Variants in TRAF3IP1 observed in about 807,000 individuals in gnomAD.
TRAF3IP1 encodes intraflagellar transport 54, also known as TRAF3-interacting protein 1.
Under a neutral mutation model 89.9 loss-of-function variants are expected in TRAF3IP1, and 53 were observed. The ratio of observed to expected loss-of-function variants is 0.59; its 90% CI spans 0.47 to 0.74. TRAF3IP1 has a LOEUF of 0.74. Ranked by LOEUF, TRAF3IP1 falls within the 30% of genes least tolerant of loss-of-function variation. The probability of loss-of-function intolerance (pLI) is 0.00; values close to 1 mark genes in which losing one functional copy is unlikely to be tolerated. For synonymous variants in TRAF3IP1, 311 were observed against 322.1 expected, an observed-to-expected ratio of 0.97 and a Z score of 0.37; for missense variants, 806 against 866.1, an observed-to-expected ratio of 0.93 and a Z score of 0.87.
chr2:238,322,326 G>A (rs1216831357), intron 1 of TRAF3IP1, among the ~76,000 whole-genome samples: 1 of 152,212 alleles, frequency 6.6e-6, no homozygotes, highest in Non-Finnish European at 1.5e-5. Context: ...GGGCAGTGAT[G>A]GCGCTCAGCT....
At chr2:238,389,073 G>T (rs1311929877) in intron 15 of TRAF3IP1, among the ~76,000 whole-genome samples, 2 of 152,074 alleles carry the variant, frequency 1.3e-5, no homozygotes, top group Non-Finnish European at 2.9e-5. Context: ...TGTTTATTGG[G>T]TTTGCTTAAT....
At chr2:238,389,043 C>T (rs1202845318) in intron 15 of TRAF3IP1, among the ~76,000 whole-genome samples, 1 of 152,090 alleles carries the variant, frequency 6.6e-6, no homozygotes, top group Non-Finnish European at 1.5e-5. Context: ...ACCTCCCCAC[C>T]CTACAATTAA....
intron 15 of TRAF3IP1, among the ~76,000 whole-genome samples, chr2:238,370,229 CTG>C (rs746719125): frequency 1.1e-4 from 16 of 150,082 alleles, no homozygotes; most frequent in Non-Finnish European, 2.1e-4. Flanking sequence ...GTATGTGTGT[CTG>C]TAAGTGTGCA....
intron 15 of TRAF3IP1, among the ~76,000 whole-genome samples, chr2:238,367,067 G>A (rs1699907762): frequency 6.9e-6 from 1 of 145,740 alleles, no homozygotes; most frequent in South Asian, 2.2e-4. Flanking sequence ...AGGAGGCTGA[G>A]GCAGGAGAAT....
rs1697467459 is a variant in TRAF3IP1 at position 238,320,574 on chromosome 2, G to A, written c.-89G>A. On this transcript the variant is annotated 5_prime_UTR_variant, in exon 1 of 17. Transcript: ENST00000373327. ...CCTGGCAGGACCGGGCGGCGGCGGCGGCGGGGCCGGCGGCGGCCAGGGACC... is the reference window on the plus strand; with the variant it reads ...CCTGGCAGGACCGGGCGGCGGCGGCAGCGGGGCCGGCGGCGGCCAGGGACC... 3 of 1,062,416 alleles carry A rather than the reference G, an allele frequency of 2.8e-6. No homozygotes were observed. Among genetic ancestry groups the A allele is most frequent in the African/African-American group, 1.7e-5 (1 of 58,614 alleles). The allele number at this position is 1,062,416 out of a possible 1,614,324, so 65.8% of individuals were successfully genotyped here. A position where few individuals can be genotyped will look rare whatever the true frequency, so the allele number is the denominator to read the frequency against.
chr2:238,347,102 A>T, intron 9 of TRAF3IP1: 1 of 238,920 alleles, frequency 4.2e-6, no homozygotes, highest in Non-Finnish European at 8.1e-6. Context: ...AGACTGTTGC[A>T]TCGTTCCCTC....
At position 238,345,187 on chromosome 2, in the gene TRAF3IP1, G is replaced by C. The variant is rs1477850556; in HGVS notation, c.1261+589G>C. 6.6e-6 allele frequency among the ~76,000 whole-genome samples: 1 copy of C among 152,194 alleles called. No homozygotes were observed. Among genetic ancestry groups the C allele is most frequent in the Non-Finnish European group, 1.5e-5 (1 of 68,032 alleles). On this transcript the variant is annotated intron_variant, in intron 9 of 16. Coordinates refer to ENST00000373327, the MANE Select transcript of TRAF3IP1 (RefSeq NM_015650.4). This position sits in a 1 kb window ranked among gnomAD's most constrained non-coding sequence, Gnocchi z 4.7. Reference sequence around the variant, plus strand: ...CAGGGTGGGGTGTGGCCAGGGGAGGGCTGATGTTTGTTGATTTGTTCAAAC... The same window carrying C: ...CAGGGTGGGGTGTGGCCAGGGGAGGCCTGATGTTTGTTGATTTGTTCAAAC...
chr2:238,388,107 C>T (rs1700847749), intron 15 of TRAF3IP1, among the ~76,000 whole-genome samples: 1 of 151,852 alleles, frequency 6.6e-6, no homozygotes, highest in Non-Finnish European at 1.5e-5. Flanking sequence ...GGTCCGGTGG[C>T]TTATGCCTGT....
At chr2:238,384,336 T>TGATGTATG (rs1553619318) in intron 15 of TRAF3IP1, among the ~76,000 whole-genome samples, 1 of 136,876 alleles carries the variant, frequency 7.3e-6, no homozygotes. Context: ...AGAATCAACC[T>TGATGTATG]GATGTATGTA....
intron 7 of TRAF3IP1, 27 bp downstream of exon 7, chr2:238,334,062 G>A: frequency 4.1e-6 from 6 of 1,458,604 alleles, no homozygotes; most frequent in South Asian, 3.8e-5. Context: ...ATATGTAGCT[G>A]AAAATATGGA....
At chr2:238,380,406 C>G (rs755757828) in intron 15 of TRAF3IP1, among the ~76,000 whole-genome samples, 7 of 152,186 alleles carry the variant, frequency 4.6e-5, no homozygotes, top group Non-Finnish European at 1.0e-4. Flanking sequence ...AAGGTCCTCT[C>G]CCCCGGGTCC....
rs759110906 is a variant in TRAF3IP1, at chr2:238,398,854, A to T, written c.2011A>T (p.Ile671Phe). Residue 671 changes from isoleucine (I) to phenylalanine (F), a missense_variant, in exon 17 of 17, where the codon ATC (isoleucine) becomes TTC (phenylalanine). This residue lies in a region of TRAF3IP1 where 70 missense variants were observed against 67.8 expected (regional missense o/e 1.03). Transcript: ENST00000373327. ...CAAGATCTGTGCTGTGAAGGCCAACATCCTCAAGAATGAAGAAAAAATCCA... is the reference window on the plus strand; with the variant it reads ...CAAGATCTGTGCTGTGAAGGCCAACTTCCTCAAGAATGAAGAAAAAATCCA... ...QDKICAVKAN[I>F]LKNEEKIQKM... The T allele has an allele frequency of 6.2e-7, 1 of 1,613,440 alleles. No homozygotes were observed. Among genetic ancestry groups the T allele is most frequent in the Admixed American group, 1.7e-5 (1 of 59,844 alleles).
intron 1 of TRAF3IP1, among the ~76,000 whole-genome samples, chr2:238,322,503 ACATGGT>A (rs1697601431): frequency 6.6e-6 from 1 of 152,162 alleles, no homozygotes; most frequent in African/African-American, 2.4e-5. Flanking sequence ...AGCCTGGCCA[ACATGGT>A]TAAAACTCCA....
At chr2:238,349,445 G>T in intron 12 of TRAF3IP1, 37 bp downstream of exon 12, 1 of 1,600,784 alleles carries the variant, frequency 6.2e-7, no homozygotes, top group Non-Finnish European at 8.5e-7. Context: ...CAGCCACACA[G>T]TGTGTTCTCC....
intron 15 of TRAF3IP1, among the ~76,000 whole-genome samples, chr2:238,385,833 G>A (rs1300405735): frequency 6.6e-6 from 1 of 152,044 alleles, no homozygotes; most frequent in East Asian, 1.9e-4. Flanking sequence ...TGGCCTTCTT[G>A]CACCGCTGTT....
In TRAF3IP1 at chr2:238,351,293, A is replaced by G. The variant is rs1319184646; in HGVS notation, c.1452-1534A>G. The stretch of plus-strand genomic sequence containing the variant: ...CACCGTTGGTGAGAGTGGCGGGTCC[A>G]GGAGGACTGGGTGGGACCATGGGTT... On this transcript the variant is annotated intron_variant, in intron 12 of 16. Transcript: ENST00000373327. The surrounding 1 kb of genome is among the most constrained non-coding windows in gnomAD (Gnocchi z 5.2). 6.0e-5 allele frequency among the ~76,000 whole-genome samples: 9 copies of G among 149,216 alleles called. No individual in the cohort carries two copies. The highest frequency in any genetic ancestry group is 6.0e-4 in the Admixed American group (9 of 15,084).
chr2:238,333,976 G>C lies in TRAF3IP1; in HGVS notation c.1004G>C (p.Arg335Thr), dbSNP rs552073026. The C allele has an allele frequency of 1.2e-6, 2 of 1,609,162 alleles. No homozygotes were observed. Among genetic ancestry groups the C allele is most frequent in the Middle Eastern group, 1.7e-4 (1 of 6,058 alleles). The change falls in exon 7 of 17, where the codon AGA (arginine) becomes ACA (threonine). Residue 335 changes from arginine (R) to threonine (T), a missense_variant. Around this residue, in one of 3 missense-constraint regions of TRAF3IP1, gnomAD observed 732 missense variants for 780.5 expected, o/e 0.94. Coordinates refer to ENST00000373327, the MANE Select transcript of TRAF3IP1 (RefSeq NM_015650.4). ...TTCTTTAAGACTGAGATTTCCACTA[G>C]AGCTTCCAAGTCATTGACAACAAAA... The part of the protein sequence containing the change: ...KAETETEIST[R>T]ASKSLTTKTS...
chr2:238,349,954 C>T (rs1319202363), intron 12 of TRAF3IP1, among the ~76,000 whole-genome samples: 1 of 152,056 alleles, frequency 6.6e-6, no homozygotes, highest in Non-Finnish European at 1.5e-5. Context: ...GCCTGTAGTC[C>T]CAGCTACTCA....
chr2:238,356,497 A>G (rs1269221938), intron 15 of TRAF3IP1, among the ~76,000 whole-genome samples: 5 of 152,112 alleles, frequency 3.3e-5, no homozygotes, highest in Non-Finnish European at 7.4e-5. Flanking sequence ...ACCCTGCCTC[A>G]GAAAGAAAAA....
Sources: allele counts gnomAD v4.1 joint callset (sites outside exome capture counted in the v4.1 genomes callset), GRCh38; gene constraint gnomAD v4.1.1; regional missense constraint gnomAD v4.1.1; non-coding constraint Gnocchi (gnomAD v3.1); transcripts MANE v1.5; gene names NCBI Gene and HGNC (gene_info 2026-07-23, HGNC 2026-07-21).